The following ZNF330 variants were observed in gnomAD, a reference collection of about 807,000 sequenced individuals.
The protein encoded by ZNF330 is nucleolar atypical zinc finger.
A neutral mutation model predicts 45.5 loss-of-function variants in ZNF330; 31 were observed. The ratio of observed to expected loss-of-function variants is 0.68; its 90% confidence interval spans 0.51 to 0.92. ZNF330 has a LOEUF of 0.92. ZNF330 is among the 40% of genes least tolerant of loss of function. The probability of loss-of-function intolerance (pLI) is 0.00; values close to 1 mark genes in which losing one functional copy is unlikely to be tolerated. For missense variants in ZNF330, 356 were observed against 387.4 expected (o/e 0.92, Z 0.68); for synonymous variants, 138 against 123.2 (o/e 1.12, Z -0.79).
intron 4 of ZNF330, among the ~76,000 whole-genome samples, chr4:141,226,183 A>G (rs575433486): frequency 6.6e-6 from 1 of 151,952 alleles, no homozygotes; most frequent in East Asian, 1.9e-4. Flanking sequence ...GTATCACCGT[A>G]TTGTTTATTG....
At chr4:141,229,482 T>A in intron 5 of ZNF330, 89 bp from the exon 6 acceptor site, 1 of 1,537,696 alleles carries the variant, frequency 6.5e-7, no homozygotes, top group Non-Finnish European at 8.9e-7. Context: ...AATTGCTAAA[T>A]GTATACAGTT....
chr4:141,233,830 CGAT>C lies in ZNF330; in HGVS notation c.807_809del (p.Asp269del). Reference sequence around the variant, plus strand: ...ATAAGTATGGTGATACCAGCTACCACGATGAGGAGGAGGATGAGTATGAAGCAG... The same window carrying C: ...ATAAGTATGGTGATACCAGCTACCACGAGGAGGAGGATGAGTATGAAGCAG... On this transcript the variant is annotated inframe_deletion, in exon 10 of 10. Transcript: ENST00000262990. 6.2e-7 allele frequency: 1 copy of C among 1,613,444 alleles called. No homozygotes were observed. The highest frequency in any genetic ancestry group is 1.7e-5 in the Admixed American group (1 of 59,898).
rs1728896264 is a variant in ZNF330 at position 141,229,554 on chromosome 4, T to C, written c.292-17T>C. The stretch of plus-strand genomic sequence containing the variant: ...GTCAGGTGATAATGATTATGTATTC[T>C]TGTTCCTTGGTTACAGGGTGCAATA... On this transcript the variant is annotated splice_polypyrimidine_tract_variant and intron_variant, in intron 5 of 9. Coordinates refer to ENST00000262990, the MANE Select transcript of ZNF330 (RefSeq NM_014487.6). The C allele has an allele frequency of 6.2e-7, 1 of 1,612,278 alleles. No homozygotes were observed. Among genetic ancestry groups the C allele is most frequent in the Non-Finnish European group, 8.5e-7 (1 of 1,178,796 alleles).
intron 5 of ZNF330, 96 bp downstream of exon 5, chr4:141,226,942 G>A: frequency 2.0e-6 from 2 of 998,994 alleles, no homozygotes; most frequent in Non-Finnish European, 3.0e-6. Context: ...TCATTGCTTT[G>A]TCCCTTGTTT....
intron 4 of ZNF330, among the ~76,000 whole-genome samples, chr4:141,226,129 G>A (rs1728797205): frequency 6.6e-6 from 1 of 152,026 alleles, no homozygotes; most frequent in Admixed American, 6.6e-5. Flanking sequence ...AATTTAATTT[G>A]CTTCTAGATC....
intron 8 of ZNF330, among the ~76,000 whole-genome samples, chr4:141,232,245 CA>C (rs1295523499): frequency 6.6e-6 from 1 of 152,120 alleles, no homozygotes; most frequent in East Asian, 1.9e-4. Context: ...ACCATTATTT[CA>C]TTTCATCAGG....
Position 141,229,618 on chromosome 4 carries a change from A to G in ZNF330, c.339A>G (p.Lys113=), listed in dbSNP as rs1379665840. The G allele has an allele frequency of 1.9e-6, 3 of 1,613,044 alleles. No homozygotes were observed. The highest frequency in any genetic ancestry group is 2.5e-6 in the Non-Finnish European group (3 of 1,179,308). ...AAGCTTGGGTTTGCCATGGTAGGAA[A>G]TGTCTCAGTACACATGCTTGTGCCT... ...FCEAWVCHGR[K]CLSTHACACP... The change falls in exon 6 of 10, where the codon AAA becomes AAG. Residue 113 remains lysine (K), a synonymous_variant. Coordinates refer to ENST00000262990, the MANE Select transcript of ZNF330 (RefSeq NM_014487.6).
intron 2 of ZNF330, among the ~76,000 whole-genome samples, chr4:141,223,042 CCTTT>C (rs1728722108): frequency 1.3e-5 from 2 of 152,164 alleles, no homozygotes; most frequent in African/African-American, 2.4e-5. Flanking sequence ...TATTTCCACT[CCTTT>C]CTTTGTTTTT....
At chr4:141,226,333 TCTG>T (rs1244547592) in intron 4 of ZNF330, among the ~76,000 whole-genome samples, 1 of 152,184 alleles carries the variant, frequency 6.6e-6, no homozygotes, top group Non-Finnish European at 1.5e-5. Flanking sequence ...GAGGTATTAT[TCTG>T]TGGAAAGAAA....
Position 141,233,781 on chromosome 4 carries a change from C to T in ZNF330, c.755C>T (p.Ala252Val), listed in dbSNP as rs372045423. 25 of 1,613,398 alleles carry T rather than the reference C, an allele frequency of 1.5e-5. No homozygotes were observed. The highest frequency in any genetic ancestry group is 2.1e-5 in the Non-Finnish European group (25 of 1,179,724). The change falls in exon 10 of 10, where the codon GCT (alanine) becomes GTT (valine). Residue 252 changes from alanine (A) to valine (V), a missense_variant. Transcript: ENST00000262990. ...EEGDGASGYD[A>V]YWKNLSSDKY... ...GGAGATGGAGCTTCTGGGTATGATG[C>T]TTATTGGAAGAACCTTTCATCTGAT...
chr4:141,226,854 T>G lies in ZNF330; in HGVS notation c.291+8T>G, dbSNP rs200920473. On this transcript the variant is annotated splice_region_variant and intron_variant, in intron 5 of 9. Transcript: ENST00000262990. Reference sequence around the variant, plus strand: ...ACTGGCCTTGCAATGGTGGTAAGCTTCTTATTATCTCTTAGACTAGTACGT... The same window carrying G: ...ACTGGCCTTGCAATGGTGGTAAGCTGCTTATTATCTCTTAGACTAGTACGT... The G allele has an allele frequency of 2.5e-4, 399 of 1,602,262 alleles. No homozygotes were observed. Among genetic ancestry groups the G allele is most frequent in the Non-Finnish European group, 3.1e-4 (364 of 1,171,070 alleles).
Position 141,229,424 on chromosome 4 carries a change from G to A in ZNF330, c.292-147G>A, listed in dbSNP as rs567049637. The A allele has an allele frequency of 4.0e-6, 4 of 1,010,946 alleles. No homozygotes were observed. In the East Asian group the frequency reaches 7.4e-5, roughly 19 times the overall value. 62.6% of individuals were successfully genotyped at this position (1,010,946 alleles called of 1,614,324 possible). ...CCTTTTTATTTTTGGCTTAGAGTGA[G>A]TAGTAAAATGTTTAAATGAAGCGGC... is the stretch of plus-strand genomic sequence containing the variant. On this transcript the variant is annotated intron_variant, in intron 5 of 9. Coordinates refer to ENST00000262990, the MANE Select transcript of ZNF330 (RefSeq NM_014487.6).
chr4:141,229,615 G>C lies in ZNF330; in HGVS notation c.336G>C (p.Arg112Ser), dbSNP rs781272009. The C allele has an allele frequency of 1.2e-6, 2 of 1,613,096 alleles. No individual in the cohort carries two copies. Among genetic ancestry groups the C allele is most frequent in the Non-Finnish European group, 1.7e-6 (2 of 1,179,240 alleles). ...DFCEAWVCHG[R>S]KCLSTHACAC... ...GTGAAGCTTGGGTTTGCCATGGTAG[G>C]AAATGTCTCAGTACACATGCTTGTG... The change falls in exon 6 of 10, where the codon AGG becomes AGC. Residue 112 changes from arginine (R) to serine (S), a missense_variant. Physicochemically the swap from Arg to Ser is moderately radical, Grantham distance 110. Transcript: ENST00000262990.
At position 141,232,534 on chromosome 4, in the gene ZNF330, T is replaced by G. The variant is rs1278089184; in HGVS notation, c.580T>G (p.Cys194Gly). The change falls in exon 9 of 10, where the codon TGT becomes GGT. Residue 194 changes from cysteine to glycine, a missense_variant. By Grantham distance (159) the Cys-to-Gly change is radical (BLOSUM62 -3). Coordinates refer to ENST00000262990, the MANE Select transcript of ZNF330 (RefSeq NM_014487.6). ...TGCTTCTCCTATACAGGCTTGTTTC[T>G]GTGATGATCATACAAGGAGCAAAGT... ...HSCLRCKACF[C>G]DDHTRSKVFK... 1.3e-5 allele frequency: 20 copies of G among 1,570,436 alleles called. No homozygotes were observed. Among genetic ancestry groups the G allele is most frequent in the Non-Finnish European group, 1.5e-5 (18 of 1,161,530 alleles).
chr4:141,233,552 A>G (rs939046963), intron 9 of ZNF330, among the ~76,000 whole-genome samples, 163 bp from the exon 10 acceptor site: 1 of 152,006 alleles, frequency 6.6e-6, no homozygotes, highest in Non-Finnish European at 1.5e-5. Flanking sequence ...TTTATTTTTT[A>G]TGGTGTTGTA....
chr4:141,224,765 C>T, intron 4 of ZNF330, 88 bp downstream of exon 4: 6 of 1,060,032 alleles, frequency 5.7e-6, no homozygotes, highest in Non-Finnish European at 8.7e-6. Flanking sequence ...CTATTGGTTA[C>T]AGTGCTTACA....
At chr4:141,232,686 C>T in intron 9 of ZNF330, 44 bp downstream of exon 9, 1 of 1,076,676 alleles carries the variant, frequency 9.3e-7, no homozygotes. Context: ...TGCTTTCATA[C>T]TTAGACAAAG....
chr4:141,222,282 C>T (rs1411397182), intron 1 of ZNF330, 84 bp from the exon 2 acceptor site: 1 of 1,472,366 alleles, frequency 6.8e-7, no homozygotes, highest in Non-Finnish European at 9.1e-7. Context: ...AAAAAGGACA[C>T]TTTGTTATAC....
chr4:141,222,266 A>G (rs1444116999), intron 1 of ZNF330, 100 bp from the exon 2 acceptor site: 1 of 1,390,452 alleles, frequency 7.2e-7, no homozygotes, highest in Non-Finnish European at 9.7e-7. Flanking sequence ...TTTAACATTT[A>G]ACAAGAAAAA....
Sources: gnomAD v4.1 joint callset for allele counts (sites outside exome capture counted in the v4.1 genomes callset) on GRCh38, gnomAD v4.1.1 for gene constraint, MANE v1.5 for transcripts, NCBI Gene and HGNC (gene_info 2026-07-23, HGNC 2026-07-21) for gene names.